The following NEBL variants were observed in gnomAD, a reference collection of about 807,000 sequenced individuals.
NEBL encodes LIM and SH3 protein 2.
In NEBL, 122 loss-of-function variants were observed where a neutral mutation model predicts 140.2. That is an observed-to-expected ratio of 0.87 (90% CI 0.75 to 1.01). The LOEUF is 1.01. NEBL is among the 50% of genes least tolerant of loss of function. The probability of loss-of-function intolerance (pLI) is 0.00; values close to 1 mark genes in which losing one functional copy is unlikely to be tolerated. For synonymous variants in NEBL, 436 were observed against 398.9 expected, an observed-to-expected ratio of 1.09 and a Z score of -1.11; for missense variants, 1,365 against 1,231.3, an observed-to-expected ratio of 1.11 and a Z score of -1.62.
intron 2 of NEBL, among the ~76,000 whole-genome samples, chr10:21,141,747 G>T (rs988633662): frequency 6.6e-6 from 1 of 152,206 alleles, no homozygotes; most frequent in Non-Finnish European, 1.5e-5. Context: ...ATCTCAGAGT[G>T]TGTTATCTGA....
At chr10:21,113,119 TGGAGGAGGAGGGAAGA>T (rs1362206677) in intron 2 of NEBL, 1 of 231,696 alleles carries the variant, frequency 4.3e-6, no homozygotes, top group African/African-American at 2.6e-5. Flanking sequence ...GCGGAGGAAG[TGGAGGAGGAGGGAAGA>T]GGAGGAGGAG....
intron 19 of NEBL, among the ~76,000 whole-genome samples, chr10:20,822,327 A>AAC (rs915248023): frequency 6.6e-6 from 1 of 151,556 alleles, no homozygotes; most frequent in Non-Finnish European, 1.5e-5. Context: ...TTTGTAGACT[A>AAC]ATATATATAT....
At chr10:20,855,618 C>T (rs150485878) in intron 9 of NEBL, among the ~76,000 whole-genome samples, 4 of 151,904 alleles carry the variant, frequency 2.6e-5, no homozygotes, top group Admixed American at 1.3e-4. Context: ...CTGCTACCTC[C>T]TAGTGGGAGA....
At chr10:20,913,399 A>T (rs188927573) in intron 4 of NEBL, among the ~76,000 whole-genome samples, 1 of 152,310 alleles carries the variant, frequency 6.6e-6, no homozygotes, top group East Asian at 1.9e-4. Flanking sequence ...TTTCTTAATA[A>T]TTCTCAAAAA....
At chr10:20,840,933 C>T (rs1217909305) in intron 12 of NEBL, 84 bp from the exon 13 acceptor site, 3 of 809,052 alleles carry the variant, frequency 3.7e-6, no homozygotes, top group African/African-American at 1.7e-5. Context: ...CTAGAGATCA[C>T]AGAAATGAGA....
At chr10:20,857,198 C>T (rs1317553242) in intron 9 of NEBL, among the ~76,000 whole-genome samples, 1 of 152,176 alleles carries the variant, frequency 6.6e-6, no homozygotes, top group African/African-American at 2.4e-5. Flanking sequence ...AAGACAGTGG[C>T]AGTGATATTC....
intron 3 of NEBL, among the ~76,000 whole-genome samples, chr10:20,976,198 G>A (rs1291950910): frequency 6.6e-6 from 1 of 151,832 alleles, no homozygotes; most frequent in African/African-American, 2.4e-5. Context: ...AAAATTAGCT[G>A]AGCATGGTGG....
chr10:21,031,980 TA>T (rs1475921263), intron 2 of NEBL, among the ~76,000 whole-genome samples: 2 of 152,120 alleles, frequency 1.3e-5, no homozygotes, highest in East Asian at 3.8e-4. Context: ...TTCCCTTGAA[TA>T]AAAAACTCAA....
At chr10:20,996,621 T>G (rs1837678658) in intron 3 of NEBL, among the ~76,000 whole-genome samples, 1 of 152,218 alleles carries the variant, frequency 6.6e-6, no homozygotes, top group African/African-American at 2.4e-5. Flanking sequence ...AAGTTTAACT[T>G]GTTCCAAAAC....
intron 2 of NEBL, chr10:21,113,331 A>C: frequency 2.6e-6 from 1 of 382,012 alleles, no homozygotes; most frequent in Non-Finnish European, 4.9e-6. Context: ...CTAAAACAGC[A>C]AAAGGACCTA....
At chr10:20,976,482 C>T (rs913397896) in intron 3 of NEBL, among the ~76,000 whole-genome samples, 4 of 152,076 alleles carry the variant, frequency 2.6e-5, no homozygotes, top group Admixed American at 6.6e-5. Context: ...ACATTTATCA[C>T]AGCAGTAGTC....
intron 2 of NEBL, among the ~76,000 whole-genome samples, chr10:21,148,704 G>A (rs11817086): frequency 1.1e-4 from 17 of 151,502 alleles, no homozygotes; most frequent in Middle Eastern, 3.2e-3. Context: ...TTTTGTATTC[G>A]TAGTAGAGAC....
At position 20,859,706 on chromosome 10, in the gene NEBL, A is replaced by T. The variant is rs771324301; in HGVS notation, c.798+7T>A. On this transcript the variant is annotated splice_region_variant and intron_variant, in intron 8 of 27. Coordinates refer to ENST00000377122, the MANE Select transcript of NEBL (RefSeq NM_006393.3). ...TTGAAAATAATTTTCTATGAATTAC[A>T]ACTTACATTGCTCGCCAGTGTAGCA... 1.8e-5 allele frequency: 28 copies of T among 1,538,464 alleles called. No individual in the cohort carries two copies. In the East Asian group the frequency reaches 5.6e-4, roughly 31 times the overall value.
chr10:21,028,961 G>A, intron 2 of NEBL: 1 of 547,178 alleles, frequency 1.8e-6, no homozygotes, highest in South Asian at 2.4e-5. Context: ...GAGACAAAAT[G>A]CTTTTTAAAA....
At chr10:21,231,088 A>T (rs544714341) in intron 3 of NEBL, among the ~76,000 whole-genome samples, 3 of 152,366 alleles carry the variant, frequency 2.0e-5, no homozygotes, top group South Asian at 4.1e-4. Flanking sequence ...AGGCATAAGG[A>T]CACAAGTTGA....
intron 3 of NEBL, among the ~76,000 whole-genome samples, chr10:20,972,701 C>T (rs1836632892): frequency 6.6e-6 from 1 of 151,908 alleles, no homozygotes; most frequent in South Asian, 2.1e-4. Context: ...GAGCCAAGAT[C>T]ACGCCACTGC....
chr10:21,222,805 C>T (rs1842089917), intron 3 of NEBL, among the ~76,000 whole-genome samples: 2 of 152,166 alleles, frequency 1.3e-5, no homozygotes, highest in Admixed American at 1.3e-4. Flanking sequence ...TCTTGTCGCC[C>T]AGGCTGGAAT....
intron 4 of NEBL, among the ~76,000 whole-genome samples, chr10:20,955,589 AG>A (rs1210340193): frequency 6.6e-6 from 1 of 152,172 alleles, no homozygotes; most frequent in Non-Finnish European, 1.5e-5. Context: ...CAGATTGTGG[AG>A]GGTCCTTAGA....
chr10:20,803,019 G>A (rs1231563122), intron 26 of NEBL, among the ~76,000 whole-genome samples: 4 of 152,132 alleles, frequency 2.6e-5, no homozygotes, highest in Non-Finnish European at 4.4e-5. Flanking sequence ...TGGGACTTAA[G>A]TCCAATGTCT....
Sources: gnomAD v4.1 joint callset for allele counts (sites outside exome capture counted in the v4.1 genomes callset) on GRCh38, gnomAD v4.1.1 for gene constraint, MANE v1.5 for transcripts, NCBI Gene and HGNC (gene_info 2026-07-23, HGNC 2026-07-21) for gene names.